USP24: variants seen among roughly 807,000 people sequenced by gnomAD.
USP24 encodes ubiquitin carboxyl-terminal hydrolase 24.
In USP24, 97 loss-of-function variants were observed where a neutral mutation model predicts 361.6. The observed-to-expected ratio is 0.27, with a 90% CI of 0.23 to 0.32. USP24 has a LOEUF of 0.32. Among genes scored for constraint, USP24 ranks in the 10% least tolerant of loss-of-function variants. The pLI is 1.00. For synonymous variants in USP24, 1,098 were observed against 1,124.6 expected (o/e 0.98, Z 0.47); for missense variants, 2,353 against 3,165.6 (o/e 0.74, Z 6.16).
At chr1:55,138,791 T>A in intron 25 of USP24, 73 bp from the exon 26 acceptor site, 1 of 1,312,562 alleles carries the variant, frequency 7.6e-7, no homozygotes, top group East Asian at 2.4e-5. Context: ...TATCTATGTA[T>A]ATATGATGAA....
rs529970054 is a variant in USP24 at position 55,205,234 on chromosome 1, A to G, written c.324+9556T>C. Among the ~76,000 whole-genome samples the G allele has an allele frequency of 2.1e-4, 32 of 152,358 alleles. 1 individual carries two copies. The highest frequency in any genetic ancestry group is 7.5e-4 in the African/African-American group (31 of 41,578). ...ACCACAGAACTTTTGAGAGTCTTCAAAAGCTGGCAGATAATCTAAAGGTCA... is the reference window on the plus strand; with the variant it reads ...ACCACAGAACTTTTGAGAGTCTTCAGAAGCTGGCAGATAATCTAAAGGTCA... On this transcript the variant is annotated intron_variant, in intron 1 of 67. Transcript: ENST00000294383.
At chr1:55,093,193 G>C (rs1557547969) in intron 52 of USP24, among the ~76,000 whole-genome samples, 1 of 152,096 alleles carries the variant, frequency 6.6e-6, no homozygotes, top group Non-Finnish European at 1.5e-5. Flanking sequence ...ATTCTAACTT[G>C]GTATTTTAGG....
chr1:55,179,895 T>A (rs1392658152), intron 1 of USP24, among the ~76,000 whole-genome samples: 1 of 152,234 alleles, frequency 6.6e-6, no homozygotes, highest in Non-Finnish European at 1.5e-5. Flanking sequence ...TACACACATT[T>A]ACTCTTCATA....
Position 55,162,219 on chromosome 1 carries a change from G to T in USP24, c.973C>A (p.Leu325Ile). 6.3e-7 allele frequency: 1 copy of T among 1,595,386 alleles called. No individual in the cohort carries two copies. Residue 325 changes from leucine (L) to isoleucine (I), a missense_variant, in exon 8 of 68, where the codon CTC becomes ATC. Around this residue, in one of 8 missense-constraint regions of USP24, gnomAD observed 386 missense variants for 560.5 expected, o/e 0.69. Transcript: ENST00000294383. ...CCTACCTGTACCACGGAGGAATTGA[G>T]GTACTCTGCACACACTCCTAAGGGC... ...IQPLGVCAEY[L>I]NSSVVQPMLD...
chr1:55,157,086 T>C (rs923059779), intron 11 of USP24, 35 bp from the exon 12 acceptor site: 1 of 1,531,218 alleles, frequency 6.5e-7, no homozygotes, highest in African/African-American at 1.4e-5. Flanking sequence ...AAGTCAGATA[T>C]AGTGAACACT....
rs1645528841 is a variant in USP24 at position 55,097,706 on chromosome 1, C to T, written c.5607G>A (p.Val1869=). Residue 1869 remains valine, a synonymous_variant, in exon 48 of 68, where the codon GTG becomes GTA. Coordinates refer to ENST00000294383, the MANE Select transcript of USP24 (RefSeq NM_015306.3). ...GTAAAGATTTAATACAGGTCCTTTT[C>T]ACTGTTATTCTCTAAAGAAAAAAAA... is the stretch of plus-strand genomic sequence containing the variant. ...CEKCKEKRIT[V]KRTCIKSLPS... 1.3e-6 allele frequency: 2 copies of T among 1,549,468 alleles called. No homozygotes were observed. Among genetic ancestry groups the T allele is most frequent in the Non-Finnish European group, 1.7e-6 (2 of 1,151,702 alleles).
At chr1:55,185,884 C>T (rs1274054860) in intron 1 of USP24, among the ~76,000 whole-genome samples, 1 of 152,134 alleles carries the variant, frequency 6.6e-6, no homozygotes, top group South Asian at 2.1e-4. Context: ...AACATTACCA[C>T]TGACCTTACA....
At chr1:55,079,793 T>TGAGTACTCACACA (rs1645108777) in intron 59 of USP24, 134 bp from the exon 60 acceptor site, 14 of 1,051,214 alleles carry the variant, frequency 1.3e-5, no homozygotes, top group Non-Finnish European at 1.8e-5. Context: ...ACTCACACAC[T>TGAGTACTCACACA]GAGTACTCAC....
chr1:55,107,302 C>T lies in USP24; in HGVS notation c.4699G>A (p.Ala1567Thr). The T allele has an allele frequency of 6.2e-7, 1 of 1,613,938 alleles. No individual in the cohort carries two copies. Among genetic ancestry groups the T allele is most frequent in the Non-Finnish European group, 8.5e-7 (1 of 1,179,882 alleles). Residue 1567 changes from alanine (A) to threonine (T), a missense_variant, in exon 40 of 68, where the codon GCA (alanine) becomes ACA (threonine). Ala to Thr is a moderately conservative substitution (Grantham distance 58, BLOSUM62 0). Coordinates refer to ENST00000294383, the MANE Select transcript of USP24 (RefSeq NM_015306.3). ...GTCTTGATGAGGCGTAAGTGCCCTG[C>T]CAGTAAGATGTTGTCCGCTTCACTG... ...ETSEADNILL[A>T]GHLRLIKTLL...
chr1:55,153,838 C>A (rs1647347153), intron 16 of USP24, 32 bp downstream of exon 16: 1 of 1,538,020 alleles, frequency 6.5e-7, no homozygotes, highest in South Asian at 1.2e-5. Context: ...AACTAGTATA[C>A]CTTTTAGTTG....
chr1:55,094,714 A>AG (rs1190667453), intron 51 of USP24, among the ~76,000 whole-genome samples: 7 of 151,406 alleles, frequency 4.6e-5, no homozygotes, highest in Admixed American at 6.6e-5. Context: ...AAAAAAAAAA[A>AG]AAGTCCAGGT....
rs12033861 is a variant in USP24 at position 55,208,829 on chromosome 1, G to A, written c.324+5961C>T. 3.8e-4 allele frequency among the ~76,000 whole-genome samples: 58 copies of A among 150,816 alleles called. No individual in the cohort carries two copies. The East Asian group carries it at 0.011, about 29-fold the overall frequency. ...CAGGCGCCTGTAATCCCAGCTACTT[G>A]GGAGGCTGAGGCAGAAGAATCGCTT... On this transcript the variant is annotated intron_variant, in intron 1 of 67. Coordinates refer to ENST00000294383, the MANE Select transcript of USP24 (RefSeq NM_015306.3).
chr1:55,119,356 C>A (rs535778443), intron 38 of USP24, among the ~76,000 whole-genome samples: 8 of 152,196 alleles, frequency 5.3e-5, no homozygotes, highest in Non-Finnish European at 5.9e-5. Context: ...ATATGAGGTA[C>A]CTAGAGTCGT....
At chr1:55,090,161 T>C (rs1645343671) in intron 54 of USP24, among the ~76,000 whole-genome samples, 1 of 152,174 alleles carries the variant, frequency 6.6e-6, no homozygotes, top group Non-Finnish European at 1.5e-5. Flanking sequence ...GCTAAAATCA[T>C]TAATATCCTA....
rs1645241615 is a variant in USP24, at chr1:55,085,960, G to A, written c.6747C>T (p.Ala2249=). 2.5e-6 allele frequency: 4 copies of A among 1,613,868 alleles called. No individual in the cohort carries two copies. In the East Asian group the frequency reaches 8.9e-5, roughly 36 times the overall value. Residue 2249 remains alanine, a synonymous_variant, in exon 56 of 68, where the codon GCC becomes GCT. Coordinates refer to ENST00000294383, the MANE Select transcript of USP24 (RefSeq NM_015306.3). The stretch of plus-strand genomic sequence containing the variant: ...GACCGACCTTATCCTGATAAAACAA[G>A]GCACTGTCTAGGGTTTTCTCCAGAA... The part of the protein sequence containing the change: ...ATILEKTLDS[A]LFYQDKLKSL...
Position 55,148,449 on chromosome 1 carries a change from A to T in USP24, c.1968+14T>A. 2 of 1,528,210 alleles carry T rather than the reference A, an allele frequency of 1.3e-6. No homozygotes were observed. Among genetic ancestry groups the T allele is most frequent in the Non-Finnish European group, 1.8e-6 (2 of 1,131,258 alleles). 94.7% of individuals were successfully genotyped at this position (1,528,210 alleles called of 1,614,324 possible). ...GCAAGTAACTATAATAATAAAAAATAGCTATACCCTTACCTTGTCTTGCTT... is the reference window on the plus strand; with the variant it reads ...GCAAGTAACTATAATAATAAAAAATTGCTATACCCTTACCTTGTCTTGCTT... On this transcript the variant is annotated intron_variant, in intron 17 of 67. Coordinates refer to ENST00000294383, the MANE Select transcript of USP24 (RefSeq NM_015306.3).
At chr1:55,092,002 T>C in intron 54 of USP24, 21 bp downstream of exon 54, 2 of 1,560,932 alleles carry the variant, frequency 1.3e-6, no homozygotes, top group Admixed American at 1.8e-5. Flanking sequence ...CAACAGATTA[T>C]CAAAACATAT....
intron 63 of USP24, among the ~76,000 whole-genome samples, chr1:55,075,162 A>C (rs1463407625): frequency 2.0e-5 from 3 of 152,072 alleles, no homozygotes; most frequent in African/African-American, 7.2e-5. Context: ...TGCATCAGGG[A>C]GTGGCCGTTA....
At chr1:55,170,812 T>A (rs1039692883) in intron 5 of USP24, among the ~76,000 whole-genome samples, 2 of 152,184 alleles carry the variant, frequency 1.3e-5, no homozygotes, top group Non-Finnish European at 2.9e-5. Context: ...GTTTTCGTAT[T>A]TCCTCCACTA....
Sources: allele counts gnomAD v4.1 joint callset (sites outside exome capture counted in the v4.1 genomes callset), GRCh38; gene constraint gnomAD v4.1.1; regional missense constraint gnomAD v4.1.1; transcripts MANE v1.5; gene names NCBI Gene and HGNC (gene_info 2026-07-23, HGNC 2026-07-21).